Variants in NIT1 observed in about 807,000 individuals in gnomAD.
The protein encoded by NIT1 is nitrilase 1.
NIT1 carries 30 observed loss-of-function variants against 36.8 expected under a neutral mutation model. That is an observed-to-expected ratio of 0.82 (90% CI 0.61 to 1.11). The LOEUF (loss-of-function observed/expected upper bound fraction) is 1.11. Among genes scored for constraint, NIT1 ranks in the 50% least tolerant of loss-of-function variants. NIT1 has a pLI of 0.00. For missense variants in NIT1, 438 were observed against 410.6 expected, an observed-to-expected ratio of 1.07 and a Z score of -0.58; for synonymous variants, 151 against 155.6, an observed-to-expected ratio of 0.97 and a Z score of 0.22.
downstream of NIT1, chr1:161,122,053 G>A: frequency 7.2e-7 from 1 of 1,391,592 alleles, no homozygotes; most frequent in Non-Finnish European, 9.6e-7. The surrounding 1 kb of genome is among the most constrained non-coding windows in gnomAD (Gnocchi z 4.2). Context: ...GCAGGGGTGT[G>A]ATTGGTTGGA....
intron 1 of NIT1, chr1:161,118,445 G>A: frequency 6.5e-7 from 1 of 1,536,028 alleles, no homozygotes; most frequent in Non-Finnish European, 8.7e-7. Context: ...GTAAAGCTGC[G>A]CAAGTGCACA....
Position 161,118,106 on chromosome 1 carries a change from C to G in NIT1, c.-71C>G, listed in dbSNP as rs571215666. ...CGTCCGGCCTGCGAGTTACCGCCCA[C>G]TCGCTGCGGCGCTTCTGGCTCCAGA... On this transcript the variant is annotated 5_prime_UTR_variant, in exon 1 of 7. Transcript: ENST00000368009. 64 of 1,613,262 alleles carry G rather than the reference C, an allele frequency of 4.0e-5. No homozygotes were observed. The African/African-American group carries it at 5.7e-4, about 14-fold the overall frequency.
intron 1 of NIT1, 69 bp downstream of exon 1, chr1:161,118,247 A>T: frequency 6.2e-7 from 1 of 1,613,276 alleles, no homozygotes; most frequent in Non-Finnish European, 8.5e-7. Context: ...TGTGTAACAG[A>T]GATGCTGCCT....
At position 161,120,586 on chromosome 1, in the gene NIT1, T is replaced by C; in HGVS notation, c.805T>C (p.Tyr269His). ...ACGCCACCATGAGAAGAGAGCAAGT[T>C]ATGGCCACAGCATGGTGGTAGACCC... ...CGRHHEKRAS[Y>H]GHSMVVDPWG... The change falls in exon 7 of 7, where the codon TAT becomes CAT. Residue 269 changes from tyrosine to histidine, a missense_variant. Physicochemically the swap from Tyr to His is moderately conservative, Grantham distance 83. Coordinates refer to ENST00000368009, the MANE Select transcript of NIT1 (RefSeq NM_005600.3). 1 of 1,614,146 alleles carries C rather than the reference T, an allele frequency of 6.2e-7. No individual in the cohort carries two copies. Among genetic ancestry groups the C allele is most frequent in the Non-Finnish European group, 8.5e-7 (1 of 1,180,002 alleles).
chr1:161,123,525 A>C (rs926421196), downstream of NIT1, among the ~76,000 whole-genome samples: 2 of 151,600 alleles, frequency 1.3e-5, no homozygotes, highest in African/African-American at 4.8e-5. Flanking sequence ...AGTCCCAGCT[A>C]CTCAGGAGGC....
At chr1:161,118,556 G>A (rs1216084678) in intron 1 of NIT1, 2 of 1,536,196 alleles carry the variant, frequency 1.3e-6, no homozygotes, top group East Asian at 4.9e-5. Context: ...TTTAATGTGA[G>A]ATCATTGGAA....
chr1:161,119,799 T>C lies in NIT1; in HGVS notation c.458-20T>C, dbSNP rs758272864. 5.0e-6 allele frequency: 8 copies of C among 1,584,908 alleles called. No individual in the cohort carries two copies. The highest frequency in any genetic ancestry group is 4.5e-5 in the East Asian group (2 of 44,746). On this transcript the variant is annotated intron_variant, in intron 4 of 6. Transcript: ENST00000368009. ...GGCTTCTAGAACACCAGCACTGATA[T>C]TCCTTCTTTCTTACTGTAGGGGCAG...
In NIT1 at chr1:161,118,142, G is replaced by A. The variant is rs891391978; in HGVS notation, c.-35G>A. ...GCTTCTGGCTCCAGACCGCCCTCCG[G>A]ATCGGACCCTGCGAATGGTTTTGGC... On this transcript the variant is annotated 5_prime_UTR_variant, in exon 1 of 7. Coordinates refer to ENST00000368009, the MANE Select transcript of NIT1 (RefSeq NM_005600.3). 4 of 1,613,822 alleles carry A rather than the reference G, an allele frequency of 2.5e-6. No homozygotes were observed. The highest frequency in any genetic ancestry group is 2.2e-5 in the South Asian group (2 of 91,092).
intron 1 of NIT1, 25 bp downstream of exon 1, chr1:161,118,203 G>C (rs779787457): frequency 1.9e-6 from 3 of 1,614,034 alleles, no homozygotes; most frequent in Non-Finnish European, 2.5e-6. Flanking sequence ...CTATCCCGTC[G>C]GCCGCGGTGA....
In NIT1 at chr1:161,118,807, T is replaced by A. The variant is rs1655100625; in HGVS notation, c.24T>A (p.Pro8=). 2.5e-6 allele frequency: 4 copies of A among 1,613,770 alleles called. No homozygotes were observed. The South Asian group carries it at 4.4e-5, about 18-fold the overall frequency. Residue 8 remains proline, a synonymous_variant, in exon 2 of 7, where the codon CCT becomes CCA. Coordinates refer to ENST00000368009, the MANE Select transcript of NIT1 (RefSeq NM_005600.3). ...TCAGGCTGGGCTTCATCACCAGGCC[T>A]CCTCACAGATTCCTGTCCCTTCTGT... MLGFITR[P]PHRFLSLLCP...
downstream of NIT1, chr1:161,122,441 T>C (rs2101735081): frequency 1.2e-6 from 2 of 1,614,166 alleles, no homozygotes; most frequent in African/African-American, 1.3e-5. The surrounding 1 kb of genome is among the most constrained non-coding windows in gnomAD (Gnocchi z 4.2). Context: ...GGCGCTCAAG[T>C]GGGTCCTGCT....
chr1:161,118,925 TCA>T (rs1170337053), intron 2 of NIT1, 44 bp downstream of exon 2: 1 of 1,479,370 alleles, frequency 6.8e-7, no homozygotes, highest in Non-Finnish European at 9.5e-7. Flanking sequence ...ACTTAGATGC[TCA>T]GTTTGTTAAA....
chr1:161,118,623 C>A, intron 1 of NIT1, 163 bp from the exon 2 acceptor site: 1 of 1,528,766 alleles, frequency 6.5e-7, no homozygotes, highest in South Asian at 1.2e-5. Flanking sequence ...ACTGTATGGT[C>A]TTGTCCCTTA....
intron 6 of NIT1, 130 bp downstream of exon 6, chr1:161,120,362 A>G: frequency 6.9e-7 from 1 of 1,443,742 alleles, no homozygotes; most frequent in Non-Finnish European, 9.5e-7. Context: ...TTCTCTCATG[A>G]ATAGTTAAAA....
downstream of NIT1, chr1:161,123,788 A>G (rs751948650): frequency 6.8e-7 from 1 of 1,479,974 alleles, no homozygotes; most frequent in Admixed American, 1.7e-5. Context: ...TGATGGGATC[A>G]GTGTCCTTTT....
In NIT1 at chr1:161,118,134, G is replaced by T. The variant is rs768066275; in HGVS notation, c.-43G>T. 1.2e-6 allele frequency: 2 copies of T among 1,613,836 alleles called. No homozygotes were observed. Among genetic ancestry groups the T allele is most frequent in the East Asian group, 2.2e-5 (1 of 44,882 alleles). On this transcript the variant is annotated 5_prime_UTR_variant, in exon 1 of 7. Coordinates refer to ENST00000368009, the MANE Select transcript of NIT1 (RefSeq NM_005600.3). ...GCTGCGGCGCTTCTGGCTCCAGACCGCCCTCCGGATCGGACCCTGCGAATG... is the reference window on the plus strand; with the variant it reads ...GCTGCGGCGCTTCTGGCTCCAGACCTCCCTCCGGATCGGACCCTGCGAATG...
At position 161,120,637 on chromosome 1, in the gene NIT1, T is replaced by C. The variant is rs779778998; in HGVS notation, c.856T>C (p.Ser286Pro). The change falls in exon 7 of 7, where the codon TCT becomes CCT. Residue 286 changes from serine to proline, a missense_variant. Physicochemically the swap from Ser to Pro is moderately conservative, Grantham distance 74. Transcript: ENST00000368009. The part of the protein sequence containing the change: ...DPWGTVVARC[S>P]EGPGLCLARI... ...CTGGGGAACAGTGGTGGCCCGCTGCTCTGAGGGGCCAGGCCTCTGCCTTGC... is the reference window on the plus strand; with the variant it reads ...CTGGGGAACAGTGGTGGCCCGCTGCCCTGAGGGGCCAGGCCTCTGCCTTGC... 6.2e-6 allele frequency: 10 copies of C among 1,614,048 alleles called. No individual in the cohort carries two copies. In the African/African-American group the frequency reaches 1.3e-4, roughly 22 times the overall value.
downstream of NIT1, chr1:161,122,619 A>G: frequency 6.9e-7 from 1 of 1,455,624 alleles, no homozygotes; most frequent in Non-Finnish European, 9.3e-7. This position sits in a 1 kb window ranked among gnomAD's most constrained non-coding sequence, Gnocchi z 4.2. Context: ...AGAATAAAAA[A>G]GTAGGGAATA....
intron 2 of NIT1, 43 bp from the exon 3 acceptor site, chr1:161,119,091 C>T (rs1211655149): frequency 6.2e-7 from 1 of 1,606,762 alleles, no homozygotes; most frequent in Middle Eastern, 2.1e-4. Context: ...AATTTGCTTC[C>T]CTGTGCTATG....
Sources: gnomAD v4.1 joint callset for allele counts (sites outside exome capture counted in the v4.1 genomes callset) on GRCh38, gnomAD v4.1.1 for gene constraint, Gnocchi (gnomAD v3.1) non-coding constraint, MANE v1.5 for transcripts, NCBI Gene and HGNC (gene_info 2026-07-23, HGNC 2026-07-21) for gene names.